ZNF407: variants seen among roughly 807,000 people sequenced by gnomAD.
ZNF407 encodes the protein zinc finger protein 407.
Under a neutral mutation model 131.2 loss-of-function variants are expected in ZNF407, and 17 were observed. The observed-to-expected ratio is 0.13, with a 90% CI of 0.09 to 0.19. The LOEUF (loss-of-function observed/expected upper bound fraction) is 0.19, where lower values mean the gene tolerates loss of function less well. Among genes scored for constraint, ZNF407 ranks in the 10% least tolerant of loss-of-function variants. The probability of loss-of-function intolerance (pLI) is 1.00; values close to 1 mark genes in which losing one functional copy is unlikely to be tolerated. For synonymous variants in ZNF407, 1,156 were observed against 1,062.0 expected, an observed-to-expected ratio of 1.09 and a Z score of -1.72; for missense variants, 2,681 against 2,830.6, an observed-to-expected ratio of 0.95 and a Z score of 1.20.
chr18:74,723,764 T>A (rs988669724), intron 3 of ZNF407, among the ~76,000 whole-genome samples: 1 of 152,180 alleles, frequency 6.6e-6, no homozygotes, highest in Non-Finnish European at 1.5e-5. Flanking sequence ...ACTTTGGACA[T>A]CTTCAGGATA....
Position 74,634,356 on chromosome 18 carries a change from G to A in ZNF407, c.3337G>A (p.Gly1113Ser), listed in dbSNP as rs1393389080. 1 of 1,613,690 alleles carries A rather than the reference G, an allele frequency of 6.2e-7. No homozygotes were observed. Among genetic ancestry groups the A allele is most frequent in the African/African-American group, 1.3e-5 (1 of 74,892 alleles). The change falls in exon 2 of 9, where the codon GGT (glycine) becomes AGT (serine). Residue 1113 changes from glycine to serine, a missense_variant. Gly to Ser is a moderately conservative substitution (Grantham distance 56). Around this residue, in one of 6 missense-constraint regions of ZNF407, gnomAD observed 1,789 missense variants for 1,748.7 expected, o/e 1.02. Transcript: ENST00000299687. The part of the protein sequence containing the change: ...QNSEEFQIIS[G>S]QPSDTLKSRN... The stretch of plus-strand genomic sequence containing the variant: ...TTCTGAGGAATTTCAAATAATTTCA[G>A]GTCAACCATCTGATACTCTTAAATC...
intron 7 of ZNF407, among the ~76,000 whole-genome samples, chr18:74,900,886 A>C (rs1164217042): frequency 6.6e-6 from 1 of 152,224 alleles, no homozygotes; most frequent in African/African-American, 2.4e-5. Context: ...TTTCTATTGA[A>C]GACTGTTTTA....
chr18:74,836,850 T>C (rs1970566356), intron 4 of ZNF407, among the ~76,000 whole-genome samples: 1 of 152,188 alleles, frequency 6.6e-6, no homozygotes, highest in Non-Finnish European at 1.5e-5. Context: ...AGTAACTTGC[T>C]CAGAGCCACA....
intron 4 of ZNF407, among the ~76,000 whole-genome samples, chr18:74,850,128 A>G (rs2554108): frequency 6.6e-6 from 1 of 152,006 alleles, no homozygotes; most frequent in Non-Finnish European, 1.5e-5. Flanking sequence ...GTGAAATTTT[A>G]AAAACACTGA....
intron 2 of ZNF407, among the ~76,000 whole-genome samples, chr18:74,639,278 C>T (rs960666096): frequency 1.3e-5 from 2 of 152,206 alleles, no homozygotes; most frequent in African/African-American, 4.8e-5. Context: ...AGACCTTTTA[C>T]ATCCATTCAC....
intron 1 of ZNF407, among the ~76,000 whole-genome samples, chr18:74,614,194 G>C (rs1019273661): frequency 2.6e-5 from 4 of 152,122 alleles, no homozygotes; most frequent in Non-Finnish European, 4.4e-5. Context: ...AAATAGCTTA[G>C]AAAGAAAAGT....
intron 4 of ZNF407, among the ~76,000 whole-genome samples, chr18:74,861,418 C>T (rs1356354058): frequency 6.6e-6 from 1 of 152,152 alleles, no homozygotes; most frequent in South Asian, 2.1e-4. Context: ...CATCACTTAG[C>T]GGAATGTGCT....
chr18:74,865,249 C>T (rs1417951881), intron 4 of ZNF407, among the ~76,000 whole-genome samples: 1 of 152,176 alleles, frequency 6.6e-6, no homozygotes, highest in Non-Finnish European at 1.5e-5. Context: ...GACATCAGTT[C>T]ATTTCCATCT....
chr18:74,923,897 T>C (rs1346988339), intron 8 of ZNF407, among the ~76,000 whole-genome samples: 1 of 152,176 alleles, frequency 6.6e-6, no homozygotes, highest in Non-Finnish European at 1.5e-5. Flanking sequence ...TTTACTTTAG[T>C]ATTTGTACTT....
intron 8 of ZNF407, among the ~76,000 whole-genome samples, chr18:75,009,901 A>G (rs1296680868): frequency 6.6e-6 from 1 of 152,176 alleles, no homozygotes; most frequent in Non-Finnish European, 1.5e-5. Context: ...TATTATTTCT[A>G]AAATCAGAAA....
chr18:74,852,311 G>T (rs1970800953), intron 4 of ZNF407, among the ~76,000 whole-genome samples: 1 of 151,972 alleles, frequency 6.6e-6, no homozygotes, highest in Non-Finnish European at 1.5e-5. Flanking sequence ...AATTAAACAG[G>T]TATAGGAAAT....
At chr18:74,758,115 T>G (rs1318142061) in intron 3 of ZNF407, among the ~76,000 whole-genome samples, 1 of 152,184 alleles carries the variant, frequency 6.6e-6, no homozygotes, top group Non-Finnish European at 1.5e-5. Flanking sequence ...AAATTTTTAG[T>G]CCATTTACCT....
chr18:74,713,102 G>GT (rs1967804666), intron 3 of ZNF407, among the ~76,000 whole-genome samples: 1 of 152,180 alleles, frequency 6.6e-6, no homozygotes, highest in African/African-American at 2.4e-5. Flanking sequence ...TTCTGCTTCA[G>GT]TTTTCTGAAC....
At chr18:74,968,918 A>G (rs1423375746) in intron 8 of ZNF407, among the ~76,000 whole-genome samples, 1 of 151,684 alleles carries the variant, frequency 6.6e-6, no homozygotes, top group Non-Finnish European at 1.5e-5. Context: ...GGCTTTTGTC[A>G]TTGTCCCCAT....
chr18:74,704,136 T>G (rs557428627), intron 3 of ZNF407, among the ~76,000 whole-genome samples: 1 of 152,298 alleles, frequency 6.6e-6, no homozygotes, highest in South Asian at 2.1e-4. Context: ...CCCATAGCTT[T>G]CTTCTTCTGT....
intron 4 of ZNF407, among the ~76,000 whole-genome samples, chr18:74,828,123 C>T (rs1970433905): frequency 6.6e-6 from 1 of 152,114 alleles, no homozygotes; most frequent in Admixed American, 6.5e-5. Flanking sequence ...TCCTTCGCGG[C>T]CTGTTCAGGT....
At chr18:74,701,832 G>A (rs148676266) in intron 3 of ZNF407, among the ~76,000 whole-genome samples, 171 of 152,150 alleles carry the variant, frequency 1.1e-3, no homozygotes, top group Non-Finnish European at 2.0e-3. Flanking sequence ...GCATTGCATT[G>A]TAAAGAGAGA....
intron 3 of ZNF407, among the ~76,000 whole-genome samples, chr18:74,739,999 C>T (rs2144917108): frequency 6.6e-6 from 1 of 152,304 alleles, no homozygotes; most frequent in Non-Finnish European, 1.5e-5. Context: ...AAATATGCTG[C>T]ATTAATTTCC....
chr18:74,745,924 A>T (rs188059889), intron 3 of ZNF407, among the ~76,000 whole-genome samples: 26 of 152,200 alleles, frequency 1.7e-4, no homozygotes, highest in African/African-American at 6.0e-4. Flanking sequence ...CTTCTTTATT[A>T]GTTGGTTTAT....
Sources: allele counts gnomAD v4.1 joint callset (sites outside exome capture counted in the v4.1 genomes callset), GRCh38; gene constraint gnomAD v4.1.1; regional missense constraint gnomAD v4.1.1; transcripts MANE v1.5; gene names NCBI Gene and HGNC (gene_info 2026-07-23, HGNC 2026-07-21).